The following SFMBT2 variants were observed in gnomAD, a reference collection of about 807,000 sequenced individuals.
The protein encoded by SFMBT2 is scm-like with four MBT domains protein 2.
Under a neutral mutation model 110.1 loss-of-function variants are expected in SFMBT2, and 38 were observed. The observed-to-expected ratio is 0.35, with a 90% CI of 0.27 to 0.45. SFMBT2 has a LOEUF of 0.45. Among genes scored for constraint, SFMBT2 ranks in the 20% least tolerant of loss-of-function variants. The pLI, the probability that SFMBT2 is intolerant of heterozygous loss-of-function variation, is 1.00. For missense variants in SFMBT2, 1,011 were observed against 1,094.9 expected (o/e 0.92, Z 1.08); for synonymous variants, 425 against 425.4 (o/e 1.00, Z 0.01).
At chr10:7,305,349 A>C (rs888503463) in intron 4 of SFMBT2, among the ~76,000 whole-genome samples, 2 of 152,178 alleles carry the variant, frequency 1.3e-5, no homozygotes, top group Non-Finnish European at 2.9e-5. Context: ...CCATACATGA[A>C]CAATAACTCA....
intron 4 of SFMBT2, among the ~76,000 whole-genome samples, chr10:7,324,932 G>A (rs1453843525): frequency 1.3e-5 from 2 of 150,028 alleles, no homozygotes; most frequent in Admixed American, 1.3e-4. Flanking sequence ...TGTCCTCACT[G>A]AGCCTTAATT....
At chr10:7,400,262 T>C (rs1846038162) in intron 1 of SFMBT2, among the ~76,000 whole-genome samples, 1 of 152,042 alleles carries the variant, frequency 6.6e-6, no homozygotes, top group South Asian at 2.1e-4. Context: ...GTTCTGCACT[T>C]TCCAGCTCTC....
rs541513263 is a variant in SFMBT2 at position 7,234,037 on chromosome 10, C to T, written c.1121-6100G>A. ...GACTGACTAAAGCATTTGTTCTTGT[C>T]GATGCTGTTTGCTAAAAAACTACAA... On this transcript the variant is annotated intron_variant, in intron 9 of 20. Transcript: ENST00000397167. 1.6e-4 allele frequency among the ~76,000 whole-genome samples: 25 copies of T among 152,306 alleles called. No individual in the cohort carries two copies. The South Asian group carries it at 4.1e-3, about 25-fold the overall frequency.
intron 12 of SFMBT2, 168 bp downstream of exon 12, chr10:7,205,647 T>C (rs775374313): frequency 1.0e-6 from 1 of 985,374 alleles, no homozygotes. Context: ...CATCATCTCA[T>C]GCAAACACTT....
intron 11 of SFMBT2, chr10:7,214,706 C>G (rs1839475476): frequency 2.0e-6 from 2 of 985,362 alleles, no homozygotes; most frequent in African/African-American, 3.5e-5. Flanking sequence ...AATTCCTGAA[C>G]TCCAAAAACT....
rs146945816 is a variant in SFMBT2 at position 7,377,095 on chromosome 10, G to T, written c.100+4704C>A. The stretch of plus-strand genomic sequence containing the variant: ...GAGGCAGGAGGATCACTTGAACCAG[G>T]GAGTCAGAGGTTGCAGTGAGCCGAG... On this transcript the variant is annotated intron_variant, in intron 2 of 20. Transcript: ENST00000397167. Among the ~76,000 whole-genome samples, 734 of 142,754 alleles carry T rather than the reference G, an allele frequency of 5.1e-3. 5 individuals carry two copies. Among genetic ancestry groups the T allele is most frequent in the African/African-American group, 0.018 (706 of 38,510 alleles). The allele number at this position is 142,754 out of a possible 152,430, so 93.7% of individuals were successfully genotyped here. A position where few individuals can be genotyped will look rare whatever the true frequency, so the allele number is the denominator to read the frequency against.
At chr10:7,337,790 G>C (rs942984687) in intron 4 of SFMBT2, among the ~76,000 whole-genome samples, 1 of 152,156 alleles carries the variant, frequency 6.6e-6, no homozygotes, top group Non-Finnish European at 1.5e-5. Flanking sequence ...CAGGCCCTCT[G>C]TACCTGCCCT....
chr10:7,195,521 A>T (rs765857597), intron 15 of SFMBT2, among the ~76,000 whole-genome samples: 15 of 152,228 alleles, frequency 9.9e-5, no homozygotes, highest in Non-Finnish European at 1.9e-4. Flanking sequence ...CTAAATGAAG[A>T]TGTGTATGAA....
At chr10:7,347,447 A>G (rs1844152786) in intron 4 of SFMBT2, among the ~76,000 whole-genome samples, 1 of 152,232 alleles carries the variant, frequency 6.6e-6, no homozygotes, top group Non-Finnish European at 1.5e-5. Flanking sequence ...AGCTGGAAGC[A>G]AAAATCCCTC....
At chr10:7,323,470 C>T (rs200699059) in intron 4 of SFMBT2, among the ~76,000 whole-genome samples, 1 of 120,572 alleles carries the variant, frequency 8.3e-6, no homozygotes, top group East Asian at 2.4e-4. Context: ...AAAAAAAAAC[C>T]AAAAAAAAAA....
intron 5 of SFMBT2, chr10:7,285,611 T>A (rs576371623): frequency 4.6e-6 from 2 of 436,892 alleles, no homozygotes; most frequent in African/African-American, 4.0e-5. Context: ...TCCTAGCATA[T>A]TGTGATTTAA....
chr10:7,371,750 A>G (rs1845070321), intron 2 of SFMBT2, among the ~76,000 whole-genome samples: 1 of 152,080 alleles, frequency 6.6e-6, no homozygotes. Context: ...TGCTCAACCC[A>G]TTTATCTTCT....
intron 15 of SFMBT2, among the ~76,000 whole-genome samples, chr10:7,193,250 C>T (rs1838658401): frequency 6.6e-6 from 1 of 152,212 alleles, no homozygotes; most frequent in East Asian, 1.9e-4. Context: ...CTGCTCAGCA[C>T]CCCTGAAGCT....
chr10:7,207,875 C>T (rs1277974450), intron 11 of SFMBT2, among the ~76,000 whole-genome samples: 1 of 152,220 alleles, frequency 6.6e-6, no homozygotes, highest in Non-Finnish European at 1.5e-5. Flanking sequence ...CACATACTAT[C>T]ATTGTCATTC....
At chr10:7,258,852 G>A (rs1039059087) in intron 7 of SFMBT2, among the ~76,000 whole-genome samples, 57 of 152,128 alleles carry the variant, frequency 3.7e-4, no homozygotes, top group African/African-American at 1.4e-3. Flanking sequence ...TGATCACACT[G>A]ATTTCAATTT....
chr10:7,376,716 A>AAAAAAAAG (rs1564465251), intron 2 of SFMBT2, among the ~76,000 whole-genome samples: 1 of 132,894 alleles, frequency 7.5e-6, no homozygotes, highest in African/African-American at 2.8e-5. Context: ...AAAAAAAAAA[A>AAAAAAAAG]GGCCCTCCCA....
rs574049587 is a variant in SFMBT2 at position 7,186,868 on chromosome 10, C to T, written c.1808+1756G>A. Among the ~76,000 whole-genome samples, 9 of 152,328 alleles carry T rather than the reference C, an allele frequency of 5.9e-5. 1 individual carries two copies. The South Asian group carries it at 1.0e-3, about 18-fold the overall frequency. ...GTCATCATTAGCAGCTGCTTTGAGA[C>T]GCTGCTATGATCTCGCACAGTTGAA... On this transcript the variant is annotated intron_variant, in intron 16 of 20. Coordinates refer to ENST00000397167, the MANE Select transcript of SFMBT2 (RefSeq NM_001387889.1).
chr10:7,216,988 G>A (rs1296911494), intron 11 of SFMBT2, among the ~76,000 whole-genome samples: 1 of 152,102 alleles, frequency 6.6e-6, no homozygotes, highest in Non-Finnish European at 1.5e-5. Flanking sequence ...AGGTCTATGA[G>A]GACCAAAAAG....
chr10:7,189,971 C>T (rs1003894787), intron 15 of SFMBT2, among the ~76,000 whole-genome samples: 1 of 152,214 alleles, frequency 6.6e-6, no homozygotes, highest in African/African-American at 2.4e-5. Flanking sequence ...ACGTAACCAG[C>T]TTGGTTTGCA....
Sources: gnomAD v4.1 joint callset for allele counts (sites outside exome capture counted in the v4.1 genomes callset) on GRCh38, gnomAD v4.1.1 for gene constraint, MANE v1.5 for transcripts, NCBI Gene and HGNC (gene_info 2026-07-23, HGNC 2026-07-21) for gene names.